Variants in ADAM10 observed in about 807,000 individuals in gnomAD.
The protein encoded by ADAM10 is ADAM metallopeptidase domain 10.
In ADAM10, 17 loss-of-function variants were observed where a neutral mutation model predicts 90.1. The ratio of observed to expected loss-of-function variants is 0.19; its 90% CI spans 0.13 to 0.28. The LOEUF is 0.28. ADAM10 is among the 10% of genes least tolerant of loss of function. The pLI is 1.00. For synonymous variants in ADAM10, 310 were observed against 298.6 expected (o/e 1.04, Z -0.40); for missense variants, 610 against 914.3 (o/e 0.67, Z 4.29).
chr15:58,746,815 T>A (rs1899806514), intron 1 of ADAM10, among the ~76,000 whole-genome samples: 1 of 152,124 alleles, frequency 6.6e-6, no homozygotes, highest in Non-Finnish European at 1.5e-5. Flanking sequence ...GGACTCAAAC[T>A]GAAGTTTTAA....
intron 8 of ADAM10, among the ~76,000 whole-genome samples, chr15:58,638,729 C>G (rs1463519601): frequency 2.0e-5 from 3 of 151,680 alleles, no homozygotes; most frequent in African/African-American, 7.3e-5. Context: ...CCAAATATCA[C>G]AAACAATGAG....
intron 5 of ADAM10, among the ~76,000 whole-genome samples, chr15:58,658,971 G>C (rs1896902172): frequency 6.6e-6 from 1 of 151,944 alleles, no homozygotes; most frequent in Non-Finnish European, 1.5e-5. Flanking sequence ...GTATAATGCT[G>C]AGTAGAAGTT....
At chr15:58,666,868 A>C (rs1416637819) in intron 4 of ADAM10, among the ~76,000 whole-genome samples, 25 of 152,292 alleles carry the variant, frequency 1.6e-4, no homozygotes, top group Non-Finnish European at 1.5e-5. Flanking sequence ...ATATGCTTCA[A>C]ATTCTGTCAG....
intron 5 of ADAM10, among the ~76,000 whole-genome samples, chr15:58,663,439 C>T (rs918177043): frequency 6.6e-6 from 1 of 152,152 alleles, no homozygotes; most frequent in Non-Finnish European, 1.5e-5. Context: ...CATCCTTGTG[C>T]TATCACACTC....
intron 1 of ADAM10, among the ~76,000 whole-genome samples, chr15:58,720,124 G>A (rs1898793808): frequency 6.6e-6 from 1 of 151,986 alleles, no homozygotes; most frequent in East Asian, 1.9e-4. Flanking sequence ...TCAGGAGGTG[G>A]TTTTTTAATC....
At chr15:58,713,815 CTT>C (rs1248840588) in intron 2 of ADAM10, among the ~76,000 whole-genome samples, 4 of 142,166 alleles carry the variant, frequency 2.8e-5, no homozygotes, top group Admixed American at 7.1e-5. Context: ...GAATTCTTTT[CTT>C]TTTTTTTTTT....
intron 4 of ADAM10, among the ~76,000 whole-genome samples, chr15:58,673,570 T>C (rs1247788238): frequency 2.7e-5 from 4 of 149,998 alleles, no homozygotes; most frequent in Non-Finnish European, 5.9e-5. Flanking sequence ...TATACATACA[T>C]ATATATAACT....
In ADAM10 at chr15:58,665,113, A is replaced by C. The variant is rs776105519; in HGVS notation, c.569T>G (p.Val190Gly). 4.3e-6 allele frequency: 7 copies of C among 1,611,928 alleles called. No homozygotes were observed. In the Middle Eastern group the frequency reaches 8.3e-4, roughly 190 times the overall value. The change falls in exon 5 of 16, where the codon GTA (valine) becomes GGA (glycine). Residue 190 changes from valine to glycine, a missense_variant. Coordinates refer to ENST00000260408, the MANE Select transcript of ADAM10 (RefSeq NM_001110.4). ...ERMRKYQMTG[V>G]EEVTQIPQEE... ...AATCCTTACCTGTGTTACTTCCTCT[A>C]CACCAGTCATCTGGTATTTCCTCAT... is the stretch of plus-strand genomic sequence containing the variant.
At chr15:58,681,356 T>C (rs1377418759) in intron 3 of ADAM10, among the ~76,000 whole-genome samples, 1 of 152,126 alleles carries the variant, frequency 6.6e-6, no homozygotes, top group Admixed American at 6.5e-5. Flanking sequence ...ATTCTACAAA[T>C]GAGAAAGTTT....
At chr15:58,657,204 C>G (rs994385195) in intron 5 of ADAM10, among the ~76,000 whole-genome samples, 5 of 152,132 alleles carry the variant, frequency 3.3e-5, no homozygotes, top group Admixed American at 6.5e-5. Flanking sequence ...GCTTCATAAC[C>G]TTCTTACACT....
chr15:58,699,380 A>G (rs1044284497), intron 2 of ADAM10, among the ~76,000 whole-genome samples: 6 of 152,234 alleles, frequency 3.9e-5, no homozygotes, highest in African/African-American at 4.8e-5. Context: ...GAGCAGATAC[A>G]CAAATGAGAA....
intron 2 of ADAM10, among the ~76,000 whole-genome samples, chr15:58,697,465 C>T (rs1258121073): frequency 6.6e-6 from 1 of 152,162 alleles, no homozygotes; most frequent in African/African-American, 2.4e-5. Context: ...GCCCCCTCCA[C>T]CACCGTTAAC....
At chr15:58,683,856 T>C (rs1185795790) in intron 2 of ADAM10, among the ~76,000 whole-genome samples, 1 of 56,372 alleles carries the variant, frequency 1.8e-5, no homozygotes, top group Non-Finnish European at 2.7e-5. Context: ...TGAGGCTCCA[T>C]CTCAAAAAAA....
At chr15:58,680,881 C>G (rs1382291512) in intron 3 of ADAM10, among the ~76,000 whole-genome samples, 1 of 152,066 alleles carries the variant, frequency 6.6e-6, no homozygotes, top group African/African-American at 2.4e-5. Context: ...TGCAGTGGCA[C>G]AATCATAACT....
chr15:58,689,068 C>G (rs768410067), intron 2 of ADAM10, among the ~76,000 whole-genome samples: 2 of 151,818 alleles, frequency 1.3e-5, no homozygotes, highest in African/African-American at 2.4e-5. Flanking sequence ...AAGAAAGATA[C>G]ACACAAAGAA....
intron 2 of ADAM10, among the ~76,000 whole-genome samples, chr15:58,699,396 A>T (rs796547702): frequency 2.0e-5 from 3 of 152,324 alleles, no homozygotes; most frequent in African/African-American, 7.2e-5. Flanking sequence ...GAGAAAAAGA[A>T]GTCAAATGTT....
intron 5 of ADAM10, among the ~76,000 whole-genome samples, chr15:58,647,549 A>AT (rs1367602628): frequency 7.1e-6 from 1 of 141,674 alleles, no homozygotes; most frequent in Non-Finnish European, 1.5e-5. Context: ...CAGAGCCACC[A>AT]CCCCCGCCAA....
At chr15:58,744,048 C>G (rs939300055) in intron 1 of ADAM10, among the ~76,000 whole-genome samples, 1 of 152,182 alleles carries the variant, frequency 6.6e-6, no homozygotes, top group Non-Finnish European at 1.5e-5. Context: ...CACGATCTAT[C>G]TGCAACCTAA....
rs1170793607 is a variant in ADAM10, at chr15:58,661,646, C to G, written c.585+3451G>C. ...TGGTATGGTTTTCTTTGTGTTTATC[C>G]TGCACGTGTTTCATTGAGTTTCTTG... On this transcript the variant is annotated intron_variant, in intron 5 of 15. Coordinates refer to ENST00000260408, the MANE Select transcript of ADAM10 (RefSeq NM_001110.4). 2.0e-5 allele frequency among the ~76,000 whole-genome samples: 3 copies of G among 151,886 alleles called. No homozygotes were observed. The East Asian group carries it at 5.8e-4, about 29-fold the overall frequency.
Sources: gnomAD v4.1 joint callset for allele counts (sites outside exome capture counted in the v4.1 genomes callset) on GRCh38, gnomAD v4.1.1 for gene constraint, MANE v1.5 for transcripts, NCBI Gene and HGNC (gene_info 2026-07-23, HGNC 2026-07-21) for gene names.